The following SLC36A4 variants were observed in gnomAD, a reference collection of about 807,000 sequenced individuals.
The protein encoded by SLC36A4 is solute carrier family 36 member 4.
A neutral mutation model predicts 50.5 loss-of-function variants in SLC36A4; 49 were observed. The observed-to-expected ratio is 0.97, with a 90% CI of 0.77 to 1.23. SLC36A4 has a LOEUF of 1.23. Among genes scored for constraint, SLC36A4 ranks in the 50% most tolerant of loss-of-function variants. The pLI is 0.00. For missense variants in SLC36A4, 611 were observed against 608.4 expected, an observed-to-expected ratio of 1.00 and a Z score of -0.05; for synonymous variants, 207 against 206.5, an observed-to-expected ratio of 1.00 and a Z score of -0.02.
intron 8 of SLC36A4, among the ~76,000 whole-genome samples, chr11:93,163,581 T>A (rs932076511): frequency 3.3e-5 from 5 of 152,200 alleles, no homozygotes; most frequent in Non-Finnish European, 4.4e-5. Context: ...TAACATGGTT[T>A]ATCACTGGTG....
At chr11:93,173,147 G>A (rs1383119069) in intron 6 of SLC36A4, among the ~76,000 whole-genome samples, 162 of 133,900 alleles carry the variant, frequency 1.2e-3, no homozygotes, top group East Asian at 4.0e-3. Flanking sequence ...TCTAACTGGT[G>A]TGAGATGGTA....
chr11:93,178,106 G>A (rs1395440004), intron 6 of SLC36A4, among the ~76,000 whole-genome samples: 1 of 152,172 alleles, frequency 6.6e-6, no homozygotes, highest in Admixed American at 6.5e-5. Flanking sequence ...CTGCCGCCTT[G>A]CAGTTCGATC....
At chr11:93,191,438 A>C (rs915843612) in intron 1 of SLC36A4, among the ~76,000 whole-genome samples, 3 of 152,204 alleles carry the variant, frequency 2.0e-5, no homozygotes, top group Non-Finnish European at 4.4e-5. Flanking sequence ...AAGCTTGATA[A>C]GTTTTCTAAT....
chr11:93,177,751 G>T (rs1415473417), intron 6 of SLC36A4, among the ~76,000 whole-genome samples: 3 of 152,096 alleles, frequency 2.0e-5, no homozygotes, highest in African/African-American at 4.8e-5. Flanking sequence ...CTCAGAGGGG[G>T]ACCCGGCTGT....
At chr11:93,190,101 CCTTA>C in intron 1 of SLC36A4, among the ~76,000 whole-genome samples, 1 of 152,202 alleles carries the variant, frequency 6.6e-6, no homozygotes, top group East Asian at 1.9e-4. Context: ...TTACACTTTT[CCTTA>C]CTTCTTAAAG....
chr11:93,178,113 G>A (rs1318228310), intron 6 of SLC36A4, among the ~76,000 whole-genome samples: 3 of 152,136 alleles, frequency 2.0e-5, no homozygotes, highest in Non-Finnish European at 2.9e-5. Context: ...CTTGCAGTTC[G>A]ATCTCAGACT....
intron 6 of SLC36A4, among the ~76,000 whole-genome samples, chr11:93,178,601 G>A (rs1861597860): frequency 6.6e-6 from 1 of 152,034 alleles, no homozygotes; most frequent in Non-Finnish European, 1.5e-5. Context: ...TTCTCCACTT[G>A]GTCACTGTTG....
At chr11:93,191,026 A>G (rs1862197096) in intron 1 of SLC36A4, among the ~76,000 whole-genome samples, 1 of 152,226 alleles carries the variant, frequency 6.6e-6, no homozygotes, top group South Asian at 2.1e-4. Flanking sequence ...TAAAGAGTAA[A>G]TTGAAAGACA....
chr11:93,162,705 C>A lies in SLC36A4; in HGVS notation c.1037+1G>T. 1 of 1,604,186 alleles carries A rather than the reference C, an allele frequency of 6.2e-7. No individual in the cohort carries two copies. The highest frequency in any genetic ancestry group is 8.5e-7 in the Non-Finnish European group (1 of 1,175,526). On this transcript the variant is annotated splice_donor_variant, in intron 9 of 10. Coordinates refer to ENST00000326402, the MANE Select transcript of SLC36A4 (RefSeq NM_152313.4). LOFTEE classifies it high-confidence loss of function. ...ATATTGACAAATTCATATACACCTACCATACATCTTGGGGAAGATTTAAAG... is the reference window on the plus strand; with the variant it reads ...ATATTGACAAATTCATATACACCTAACATACATCTTGGGGAAGATTTAAAG...
intron 7 of SLC36A4, chr11:93,167,664 A>T (rs1295366037): frequency 3.0e-6 from 1 of 334,688 alleles, no homozygotes; most frequent in East Asian, 5.8e-5. Flanking sequence ...CATAACTCTA[A>T]TAGGGTAGGC....
chr11:93,189,711 A>G (rs1489294225), intron 1 of SLC36A4, among the ~76,000 whole-genome samples: 3 of 152,172 alleles, frequency 2.0e-5, no homozygotes, highest in Admixed American at 2.0e-4. Flanking sequence ...AGTTATCACT[A>G]CCAATATTTC....
At chr11:93,191,313 C>A (rs1319513581) in intron 1 of SLC36A4, among the ~76,000 whole-genome samples, 3 of 152,164 alleles carry the variant, frequency 2.0e-5, no homozygotes, top group African/African-American at 4.8e-5. Context: ...GCATTGGTCA[C>A]AAGGCTGAGT....
rs1300584346 is a variant in SLC36A4, at chr11:93,146,606, A to T, written c.*1931T>A. 22 of 152,088 alleles carry T rather than the reference A, an allele frequency of 1.4e-4. No homozygotes were observed. The highest frequency in any genetic ancestry group is 1.4e-3 in the Admixed American group (22 of 15,252). The allele number at this position is 152,088 out of a possible 1,614,324, so 9.4% of individuals were successfully genotyped here. A position where few individuals can be genotyped will look rare whatever the true frequency, so the allele number is the denominator to read the frequency against. On this transcript the variant is annotated 3_prime_UTR_variant, in exon 11 of 11. Transcript: ENST00000326402. ...GATTGTATTTGATGATCAGTTAACG[A>T]TACAAGCAAAAAATACTTGAACTAA...
At chr11:93,160,200 C>T in intron 9 of SLC36A4, 1 of 985,432 alleles carries the variant, frequency 1.0e-6, no homozygotes, top group Non-Finnish European at 1.2e-6. Context: ...AATTGTCCCA[C>T]AACTGCAGAG....
chr11:93,188,610 C>G (rs1236996111), intron 1 of SLC36A4, among the ~76,000 whole-genome samples: 1 of 152,170 alleles, frequency 6.6e-6, no homozygotes, highest in African/African-American at 2.4e-5. Flanking sequence ...GTGGCACGGT[C>G]TAGAACTATA....
At chr11:93,192,033 T>G (rs540538591) in intron 1 of SLC36A4, among the ~76,000 whole-genome samples, 1 of 152,240 alleles carries the variant, frequency 6.6e-6, no homozygotes, top group East Asian at 1.9e-4. Context: ...TGAGAATAAT[T>G]ACTAAAACTC....
chr11:93,164,135 T>C (rs1860756299), intron 8 of SLC36A4, among the ~76,000 whole-genome samples: 1 of 152,172 alleles, frequency 6.6e-6, no homozygotes, highest in African/African-American at 2.4e-5. Context: ...TGCTTGTTGA[T>C]ACTGGGGTAT....
At chr11:93,162,498 G>A (rs1471517256) in intron 9 of SLC36A4, among the ~76,000 whole-genome samples, 5 of 151,916 alleles carry the variant, frequency 3.3e-5, no homozygotes, top group Admixed American at 6.6e-5. Flanking sequence ...TAGTACAGAT[G>A]GGGTTTCATT....
chr11:93,154,067 A>G, intron 10 of SLC36A4, 41 bp downstream of exon 10: 1 of 950,780 alleles, frequency 1.1e-6, no homozygotes, highest in Non-Finnish European at 1.5e-6. Flanking sequence ...GAAATTGAAC[A>G]ATAAAAAATT....
Sources: gnomAD v4.1 joint callset for allele counts (sites outside exome capture counted in the v4.1 genomes callset) on GRCh38, gnomAD v4.1.1 for gene constraint, MANE v1.5 for transcripts, NCBI Gene and HGNC (gene_info 2026-07-23, HGNC 2026-07-21) for gene names.